The following ZNF341 variants were observed in gnomAD, a reference collection of about 807,000 sequenced individuals.
ZNF341 encodes zinc finger protein 341.
ZNF341 carries 52 observed loss-of-function variants against 87.7 expected under a neutral mutation model. The observed-to-expected ratio is 0.59, with a 90% CI of 0.47 to 0.75. ZNF341 has a LOEUF of 0.75. ZNF341 is among the 30% of genes least tolerant of loss of function. The pLI is 0.00. For missense variants in ZNF341, 977 were observed against 1,145.9 expected, an observed-to-expected ratio of 0.85 and a Z score of 2.13; for synonymous variants, 459 against 472.7, an observed-to-expected ratio of 0.97 and a Z score of 0.38.
At chr20:33,770,039 G>A in intron 9 of ZNF341, 45 bp from the exon 10 acceptor site, 2 of 1,428,708 alleles carry the variant, frequency 1.4e-6, no homozygotes, top group Non-Finnish European at 9.8e-7. Context: ...TGCAGTGGAG[G>A]AAGCTCTCCT....
At chr20:33,781,221 G>C (rs2019736091) in intron 10 of ZNF341, 70 bp from the exon 11 acceptor site, 1 of 1,163,608 alleles carries the variant, frequency 8.6e-7, no homozygotes, top group Non-Finnish European at 1.3e-6. Context: ...GTTGGCCCTG[G>C]GGTGGCCGGG....
intron 8 of ZNF341, 53 bp from the exon 9 acceptor site, chr20:33,766,798 T>C (rs2019415019): frequency 3.9e-6 from 6 of 1,541,192 alleles, no homozygotes; most frequent in Non-Finnish European, 4.4e-6. Flanking sequence ...GTTCTGTGCA[T>C]CCTTCCTGAA....
intron 10 of ZNF341, among the ~76,000 whole-genome samples, chr20:33,773,277 C>T (rs190240346): frequency 2.0e-5 from 3 of 152,288 alleles, no homozygotes; most frequent in Admixed American, 2.0e-4. Flanking sequence ...AGCCTCATAG[C>T]CCTGGTCTTG....
rs372152569 is a variant in ZNF341, at chr20:33,761,735, G to A, written c.1029-127G>A. 3.5e-5 allele frequency: 27 copies of A among 773,044 alleles called. 1 individual carries two copies. The South Asian group carries it at 3.6e-4, about 10-fold the overall frequency. 47.9% of individuals were successfully genotyped at this position (773,044 alleles called of 1,614,324 possible). On this transcript the variant is annotated intron_variant, in intron 7 of 14. Coordinates refer to ENST00000375200, the MANE Select transcript of ZNF341 (RefSeq NM_001282933.2). ...TGCCTCAGCGAAGGGGCTTGTCGCC[G>A]TGGTGTCAGAATGTGGCAAGTGGCA...
intron 9 of ZNF341, among the ~76,000 whole-genome samples, chr20:33,767,376 GA>G (rs1326058708): frequency 1.7e-5 from 2 of 117,596 alleles, no homozygotes; most frequent in African/African-American, 6.6e-5. Flanking sequence ...CTGGGATGGT[GA>G]TCACTTCTTT....
rs2122665190 is a variant in ZNF341 at position 33,753,413 on chromosome 20, C to T, written c.731C>T (p.Pro244Leu). 2 of 1,602,616 alleles carry T rather than the reference C, an allele frequency of 1.2e-6. No homozygotes were observed. Among genetic ancestry groups the T allele is most frequent in the South Asian group, 1.1e-5 (1 of 89,426 alleles). ...CAGGCACTGGGGATGCAGCCCTACC[C>T]ACCCCTAGAGGTGAGCAGAGGGGGC... ...EIQALGMQPY[P>L]PLEVPNQCVE... The change falls in exon 5 of 15, where the codon CCA (proline) becomes CTA (leucine). Residue 244 changes from proline (P) to leucine (L), a missense_variant. By Grantham distance (98) the Pro-to-Leu change is moderately conservative. Coordinates refer to ENST00000375200, the MANE Select transcript of ZNF341 (RefSeq NM_001282933.2).
intron 8 of ZNF341, among the ~76,000 whole-genome samples, chr20:33,766,350 A>G (rs1037419932): frequency 6.6e-6 from 1 of 151,226 alleles, no homozygotes; most frequent in Non-Finnish European, 1.5e-5. Context: ...ACCCTCCACC[A>G]CGCCTGGCTA....
chr20:33,758,825 G>C lies in ZNF341; in HGVS notation c.1028+19G>C, dbSNP rs1286704283. 6.2e-7 allele frequency: 1 copy of C among 1,610,738 alleles called. No homozygotes were observed. Among genetic ancestry groups the C allele is most frequent in the Admixed American group, 1.7e-5 (1 of 59,864 alleles). On this transcript the variant is annotated intron_variant, in intron 7 of 14. Coordinates refer to ENST00000375200, the MANE Select transcript of ZNF341 (RefSeq NM_001282933.2). The stretch of plus-strand genomic sequence containing the variant: ...TCCGAAGGTACACATGCGTGGTGAG[G>C]CAGGTGGCTCCTGGGCAGGTGTGGC...
chr20:33,777,588 CG>C (rs2019654847), intron 10 of ZNF341, among the ~76,000 whole-genome samples: 1 of 149,514 alleles, frequency 6.7e-6, no homozygotes, highest in Non-Finnish European at 1.5e-5. Flanking sequence ...GAGCCGAGAT[CG>C]GGCCACTGCA....
chr20:33,733,141 G>C (rs1372816681), intron 1 of ZNF341, among the ~76,000 whole-genome samples: 1 of 151,936 alleles, frequency 6.6e-6, no homozygotes, highest in Non-Finnish European at 1.5e-5. Flanking sequence ...CCCCCTCCCA[G>C]GTTTGAGCGA....
chr20:33,789,133 T>G (rs1202965885), intron 13 of ZNF341, among the ~76,000 whole-genome samples, 159 bp downstream of exon 13: 1 of 150,898 alleles, frequency 6.6e-6, no homozygotes, highest in African/African-American at 2.4e-5. Flanking sequence ...TGGAGTGCAG[T>G]GGTAAGATCT....
chr20:33,769,781 T>G (rs1012438300), intron 9 of ZNF341, among the ~76,000 whole-genome samples: 1 of 152,120 alleles, frequency 6.6e-6, no homozygotes, highest in Non-Finnish European at 1.5e-5. Flanking sequence ...CATGGTGGTG[T>G]GCACCTGTAA....
chr20:33,782,429 G>T (rs2019764344), intron 11 of ZNF341, among the ~76,000 whole-genome samples: 2 of 152,162 alleles, frequency 1.3e-5, no homozygotes, highest in Admixed American at 1.3e-4. Context: ...TGTTTAACTT[G>T]CTTCTTCACT....
At chr20:33,737,210 G>GT (rs1293060611) in intron 1 of ZNF341, among the ~76,000 whole-genome samples, 2 of 152,184 alleles carry the variant, frequency 1.3e-5, no homozygotes, top group Non-Finnish European at 2.9e-5. Context: ...CAGAGAAAAA[G>GT]TTACATTCAC....
intron 3 of ZNF341, among the ~76,000 whole-genome samples, chr20:33,747,419 T>A (rs942195588): frequency 2.2e-5 from 3 of 138,364 alleles, no homozygotes; most frequent in Non-Finnish European, 4.4e-5. Flanking sequence ...ATCGAGACCA[T>A]CCCGGCTAAA....
At chr20:33,743,579 T>A (rs991261160) in intron 2 of ZNF341, among the ~76,000 whole-genome samples, 3 of 152,066 alleles carry the variant, frequency 2.0e-5, no homozygotes, top group African/African-American at 4.8e-5. Flanking sequence ...CCTCAAGTGA[T>A]CCACCCACCT....
intron 10 of ZNF341, among the ~76,000 whole-genome samples, chr20:33,776,665 C>G (rs557185491): frequency 6.6e-6 from 1 of 152,164 alleles, no homozygotes; most frequent in East Asian, 1.9e-4. Context: ...GGATTATAGG[C>G]GTGAGCCACA....
At position 33,743,614 on chromosome 20, in the gene ZNF341, C is replaced by T. The variant is rs144352254; in HGVS notation, c.143-1489C>T. ...TTGGCCTCCCAAAGTGCTAGGATTA[C>T]AGGTGTGAGTGAGCCACCTCGCCTG... On this transcript the variant is annotated intron_variant, in intron 2 of 14. Transcript: ENST00000375200. Among the ~76,000 whole-genome samples, 1,309 of 152,148 alleles carry T rather than the reference C, an allele frequency of 8.6e-3. 19 individuals are homozygous for T. The highest frequency in any genetic ancestry group is 0.03 in the African/African-American group (1,225 of 41,472).
Position 33,757,290 on chromosome 20 carries a change from C to G in ZNF341, c.884C>G (p.Ser295Cys). ...GGGGGCACGGTGGCCACCTTTGACTCTCCAGCAACGCTGAAGACCCGACGA... is the reference window on the plus strand; with the variant it reads ...GGGGGCACGGTGGCCACCTTTGACTGTCCAGCAACGCTGAAGACCCGACGA... ...ATGGTVATFD[S>C]PATLKTRRAK... Residue 295 changes from serine (S) to cysteine (C), a missense_variant, in exon 6 of 15, where the codon TCT becomes TGT. Physicochemically the swap from Ser to Cys is moderately radical, Grantham distance 112 (BLOSUM62 -1). Coordinates refer to ENST00000375200, the MANE Select transcript of ZNF341 (RefSeq NM_001282933.2). 6.2e-7 allele frequency: 1 copy of G among 1,601,610 alleles called. No individual in the cohort carries two copies. The highest frequency in any genetic ancestry group is 8.5e-7 in the Non-Finnish European group (1 of 1,175,022).
Sources: allele counts gnomAD v4.1 joint callset (sites outside exome capture counted in the v4.1 genomes callset), GRCh38; gene constraint gnomAD v4.1.1; transcripts MANE v1.5; gene names NCBI Gene and HGNC (gene_info 2026-07-23, HGNC 2026-07-21).